MAGI2: variants seen among roughly 807,000 people sequenced by gnomAD.
MAGI2 encodes membrane associated guanylate kinase, WW and PDZ domain containing 2.
In MAGI2, 35 loss-of-function variants were observed where a neutral mutation model predicts 133.3. The observed-to-expected ratio is 0.26, with a 90% CI of 0.20 to 0.35. The LOEUF is 0.35. MAGI2 is among the 10% of genes least tolerant of loss of function. The probability of loss-of-function intolerance (pLI) is 1.00; values close to 1 mark genes in which losing one functional copy is unlikely to be tolerated. For missense variants in MAGI2, 1,636 were observed against 1,863.4 expected (o/e 0.88, Z 2.25); for synonymous variants, 729 against 710.6 (o/e 1.03, Z -0.41).
At chr7:78,653,466 G>A (rs1051517623) in intron 2 of MAGI2, among the ~76,000 whole-genome samples, 5 of 152,170 alleles carry the variant, frequency 3.3e-5, no homozygotes, top group Non-Finnish European at 7.3e-5. Flanking sequence ...AGAAAAGGAT[G>A]AGTTCATGTC....
chr7:78,553,616 A>C (rs908581162), intron 3 of MAGI2, among the ~76,000 whole-genome samples: 13 of 152,230 alleles, frequency 8.5e-5, no homozygotes, highest in African/African-American at 3.1e-4. Flanking sequence ...AGAGCTACTG[A>C]GTATGAAGCC....
At chr7:79,228,584 T>C (rs1425054814) in intron 1 of MAGI2, among the ~76,000 whole-genome samples, 2 of 152,078 alleles carry the variant, frequency 1.3e-5, no homozygotes, top group East Asian at 3.9e-4. Flanking sequence ...TGATGCTGGC[T>C]AACATGACAC....
chr7:78,287,725 T>C (rs1796288154), intron 9 of MAGI2, among the ~76,000 whole-genome samples: 1 of 152,206 alleles, frequency 6.6e-6, no homozygotes, highest in Non-Finnish European at 1.5e-5. Flanking sequence ...CCTGTACTCA[T>C]ATTTTAGGCT....
At chr7:78,286,204 T>C (rs1796128256) in intron 9 of MAGI2, among the ~76,000 whole-genome samples, 1 of 152,116 alleles carries the variant, frequency 6.6e-6, no homozygotes, top group South Asian at 2.1e-4. Flanking sequence ...TTTTCTCTCT[T>C]TTTCCCTCCC....
chr7:78,808,571 T>C (rs1025100618), intron 2 of MAGI2, among the ~76,000 whole-genome samples: 11 of 152,154 alleles, frequency 7.2e-5, no homozygotes, highest in Admixed American at 2.0e-4. Flanking sequence ...TGTATTTTCA[T>C]GGCCTAGAAT....
chr7:79,378,938 A>G lies in MAGI2; in HGVS notation c.301+74082T>C, dbSNP rs1226082476. Among the ~76,000 whole-genome samples the G allele has an allele frequency of 2.7e-4, 12 of 43,914 alleles. No homozygotes were observed. The East Asian group carries it at 7.1e-3, about 26-fold the overall frequency. The allele number at this position is 43,914 out of a possible 152,430, so 28.8% of individuals were successfully genotyped here. On this transcript the variant is annotated intron_variant, in intron 1 of 21. Transcript: ENST00000354212. ...TATATGTGTGTGTGTATATATATATATATATATATATATATATATATATAT... is the reference window on the plus strand; with the variant it reads ...TATATGTGTGTGTGTATATATATATGTATATATATATATATATATATATAT...
chr7:79,039,333 A>G (rs901315812), intron 1 of MAGI2, among the ~76,000 whole-genome samples: 2 of 152,156 alleles, frequency 1.3e-5, no homozygotes, highest in African/African-American at 4.8e-5. Flanking sequence ...TTTTTATTAA[A>G]ATAAATAAAT....
At chr7:79,267,489 G>A (rs545277480) in intron 1 of MAGI2, among the ~76,000 whole-genome samples, 19 of 152,312 alleles carry the variant, frequency 1.2e-4, no homozygotes, top group Admixed American at 2.6e-4. Flanking sequence ...CAGTGCCAGC[G>A]TGCTGGCTCG....
chr7:79,072,475 G>T (rs1815076026), intron 1 of MAGI2, among the ~76,000 whole-genome samples: 1 of 151,966 alleles, frequency 6.6e-6, no homozygotes. Flanking sequence ...TTGTAATATT[G>T]TCTTCTTAAA....
Position 78,917,884 on chromosome 7 carries a change from A to G in MAGI2, c.418+89206T>C, listed in dbSNP as rs978926862. The stretch of plus-strand genomic sequence containing the variant: ...GCTAAACAGAAGCGATTCATAAGGC[A>G]AGGTGTGGGGTAAGGGGGAGAATGG... On this transcript the variant is annotated intron_variant, in intron 2 of 21. Coordinates refer to ENST00000354212, the MANE Select transcript of MAGI2 (RefSeq NM_012301.4). Among the ~76,000 whole-genome samples, 8 of 152,278 alleles carry G rather than the reference A, an allele frequency of 5.3e-5. No homozygotes were observed. In the East Asian group the frequency reaches 1.6e-3, roughly 30 times the overall value.
At chr7:78,112,355 A>G (rs1264291021) in intron 20 of MAGI2, among the ~76,000 whole-genome samples, 1 of 152,198 alleles carries the variant, frequency 6.6e-6, no homozygotes, top group Non-Finnish European at 1.5e-5. Flanking sequence ...AAGTCTTGGA[A>G]TGTCACCTAG....
intron 2 of MAGI2, among the ~76,000 whole-genome samples, chr7:78,737,054 T>C (rs140306157): frequency 3.9e-5 from 6 of 152,308 alleles, no homozygotes; most frequent in Admixed American, 2.0e-4. Flanking sequence ...ACTTGAGTAT[T>C]TGGCAGACAT....
intron 6 of MAGI2, among the ~76,000 whole-genome samples, chr7:78,408,142 ATATT>A (rs1169554152): frequency 6.6e-6 from 1 of 152,032 alleles, no homozygotes; most frequent in Non-Finnish European, 1.5e-5. Context: ...TAAGAATATT[ATATT>A]TATTAAAAAT....
intron 4 of MAGI2, among the ~76,000 whole-genome samples, chr7:78,515,581 T>C (rs1229203664): frequency 2.0e-5 from 3 of 152,140 alleles, no homozygotes; most frequent in Admixed American, 6.6e-5. Context: ...TGCTAATCGC[T>C]GAACAGGCAA....
chr7:78,609,987 C>A (rs538320005), intron 3 of MAGI2, among the ~76,000 whole-genome samples: 1 of 152,148 alleles, frequency 6.6e-6, no homozygotes, highest in South Asian at 2.1e-4. Context: ...GAACTAAGAC[C>A]TCTAGGTCAG....
rs57370898 is a variant in MAGI2, at chr7:78,717,275, G to GCACACACA, written c.419-90044_419-90037dup. On this transcript the variant is annotated intron_variant, in intron 2 of 21. Transcript: ENST00000354212. ...CATGGAAGTTATACCACACAACACA[G>GCACACACA]CACACACACACACACAGAGTGAAAA... Among the ~76,000 whole-genome samples, 26 of 150,986 alleles carry GCACACACA rather than the reference G, an allele frequency of 1.7e-4. No individual in the cohort carries two copies. In the East Asian group the frequency reaches 2.0e-3, roughly 11 times the overall value.
chr7:78,648,128 T>C (rs1050328516), intron 2 of MAGI2, among the ~76,000 whole-genome samples: 1 of 152,168 alleles, frequency 6.6e-6, no homozygotes, highest in Non-Finnish European at 1.5e-5. Flanking sequence ...ACATGTACCC[T>C]AGAATTTAAA....
intron 1 of MAGI2, among the ~76,000 whole-genome samples, chr7:79,309,447 T>C (rs376172658): frequency 1.3e-5 from 2 of 151,082 alleles, no homozygotes; most frequent in Admixed American, 6.6e-5. Flanking sequence ...CGTTAAAATA[T>C]GTAGAGTTAT....
At chr7:78,447,049 A>G (rs753417807) in intron 6 of MAGI2, among the ~76,000 whole-genome samples, 2 of 152,068 alleles carry the variant, frequency 1.3e-5, no homozygotes, top group Non-Finnish European at 1.5e-5. Flanking sequence ...TGATTTTGGA[A>G]AGATTGTAGC....
Sources: gnomAD v4.1 joint callset for allele counts (sites outside exome capture counted in the v4.1 genomes callset) on GRCh38, gnomAD v4.1.1 for gene constraint, MANE v1.5 for transcripts, NCBI Gene and HGNC (gene_info 2026-07-23, HGNC 2026-07-21) for gene names.